The following ST6GAL2 variants were observed in gnomAD, a reference collection of about 807,000 sequenced individuals.
ST6GAL2 encodes beta-galactoside alpha-2,6-sialyltransferase 2.
In ST6GAL2, 24 loss-of-function variants were observed where a neutral mutation model predicts 37.5. That is an observed-to-expected ratio of 0.64 (90% CI 0.46 to 0.90). ST6GAL2 has a LOEUF of 0.90. ST6GAL2 is among the 40% of genes least tolerant of loss of function. The pLI, the probability that ST6GAL2 is intolerant of heterozygous loss-of-function variation, is 0.00. For missense variants in ST6GAL2, 715 were observed against 712.7 expected (o/e 1.00, Z -0.04); for synonymous variants, 306 against 295.1 (o/e 1.04, Z -0.38).
At chr2:106,881,832 A>G (rs929269020) in intron 1 of ST6GAL2, among the ~76,000 whole-genome samples, 10 of 152,234 alleles carry the variant, frequency 6.6e-5, no homozygotes, top group Admixed American at 5.9e-4. Context: ...TATAATCAAG[A>G]TATTGCAGAG....
In ST6GAL2 at chr2:106,843,518, C is replaced by G. The variant is rs3796110; in HGVS notation, c.460G>C (p.Gly154Arg). Residue 154 changes from glycine to arginine, a missense_variant, in exon 2 of 6, where the codon GGG (glycine) becomes CGG (arginine). Coordinates refer to ENST00000409382, the MANE Select transcript of ST6GAL2 (RefSeq NM_001142351.2). ...GCCCCCTCCCGTGGGCCTGGCTCCC[C>G]GGGGGAAGGGAATCCCAATGTCCCC... ...TQGTLGFPSP[G>R]EPGPREGAFP... 3 of 1,613,810 alleles carry G rather than the reference C, an allele frequency of 1.9e-6. No individual in the cohort carries two copies. The highest frequency in any genetic ancestry group is 2.2e-5 in the East Asian group (1 of 44,864).
rs775329379 is a variant in ST6GAL2, at chr2:106,843,785, C to T, written c.193G>A (p.Ala65Thr). 81 of 1,610,160 alleles carry T rather than the reference C, an allele frequency of 5.0e-5. No individual in the cohort carries two copies. The highest frequency in any genetic ancestry group is 6.5e-5 in the Non-Finnish European group (77 of 1,178,158). Residue 65 changes from alanine to threonine, a missense_variant, in exon 2 of 6, where the codon GCA becomes ACA. Transcript: ENST00000409382. ...QGKQRAIMGA[A>T]HEPSPPGGLD... The stretch of plus-strand genomic sequence containing the variant: ...CCCCCAGGCGGGGAGGGCTCATGTG[C>T]GGCGCCCATGATGGCCCGCTGCTTC...
At chr2:106,838,169 G>A (rs1676725548) in intron 2 of ST6GAL2, among the ~76,000 whole-genome samples, 2 of 152,204 alleles carry the variant, frequency 1.3e-5, no homozygotes, top group South Asian at 2.1e-4. Flanking sequence ...AAATACAAGG[G>A]GAAGAAAGTC....
intron 4 of ST6GAL2, among the ~76,000 whole-genome samples, chr2:106,831,447 G>A (rs1676418549): frequency 6.6e-6 from 1 of 152,190 alleles, no homozygotes; most frequent in Non-Finnish European, 1.5e-5. Context: ...AGAGCTGTGA[G>A]AGCTTAAAAC....
chr2:106,860,095 G>A (rs1192462731), intron 1 of ST6GAL2, among the ~76,000 whole-genome samples: 2 of 152,060 alleles, frequency 1.3e-5, no homozygotes, highest in Non-Finnish European at 2.9e-5. Flanking sequence ...TAGTTTTGTT[G>A]AAGTCTTAGC....
chr2:106,874,429 C>T (rs910813339), intron 1 of ST6GAL2, among the ~76,000 whole-genome samples: 2 of 151,982 alleles, frequency 1.3e-5, no homozygotes, highest in African/African-American at 2.4e-5. Context: ...GAGCTTGGAT[C>T]CAAGCCAGAA....
intron 5 of ST6GAL2, among the ~76,000 whole-genome samples, chr2:106,812,169 C>G (rs1160154646): frequency 6.6e-6 from 1 of 152,204 alleles, no homozygotes; most frequent in Non-Finnish European, 1.5e-5. Context: ...GAGATGATTT[C>G]TCTCTGCAAT....
rs1675393085 is a variant in ST6GAL2 at position 106,805,728 on chromosome 2, T to C, written c.*950A>G. On this transcript the variant is annotated 3_prime_UTR_variant, in exon 6 of 6. Coordinates refer to ENST00000409382, the MANE Select transcript of ST6GAL2 (RefSeq NM_001142351.2). ...GAAGCACAGGGTGATGGCTCCAAAA[T>C]CTTTCCTTCTAGTTTGGAAGGAGCA... The C allele has an allele frequency of 6.6e-6, 1 of 152,180 alleles. No individual in the cohort carries two copies. Among genetic ancestry groups the C allele is most frequent in the Non-Finnish European group, 1.5e-5 (1 of 68,048 alleles). The allele number at this position is 152,180 out of a possible 1,614,324, so 9.4% of individuals were successfully genotyped here.
intron 5 of ST6GAL2, among the ~76,000 whole-genome samples, chr2:106,824,703 A>G (rs1158251099): frequency 6.6e-6 from 1 of 152,236 alleles, no homozygotes; most frequent in Admixed American, 6.5e-5. Flanking sequence ...ATTTCAAAAG[A>G]TGAAAATATA....
rs764105330 is a variant in ST6GAL2, at chr2:106,843,336, G to A, written c.642C>T (p.Ser214=). ...LYRLWKGNVS[S]KMLNPRLQKA... ...TCTGCAGGCGCGGGTTCAGCATTTT[G>A]GAAGAGACGTTCCCCTTCCAGAGCC... The change falls in exon 2 of 6, where the codon TCC becomes TCT. Residue 214 remains serine, a synonymous_variant. Coordinates refer to ENST00000409382, the MANE Select transcript of ST6GAL2 (RefSeq NM_001142351.2). 3 of 1,614,060 alleles carry A rather than the reference G, an allele frequency of 1.9e-6. No individual in the cohort carries two copies. The highest frequency in any genetic ancestry group is 1.1e-5 in the South Asian group (1 of 91,088).
intron 4 of ST6GAL2, 32 bp downstream of exon 4, chr2:106,832,533 G>C: frequency 8.5e-7 from 1 of 1,177,578 alleles, no homozygotes; most frequent in Non-Finnish European, 1.2e-6. Flanking sequence ...TTGTCTGACC[G>C]TTGGGGTGGG....
chr2:106,883,560 T>C (rs1678838010), intron 1 of ST6GAL2, among the ~76,000 whole-genome samples: 1 of 152,200 alleles, frequency 6.6e-6, no homozygotes, highest in South Asian at 2.1e-4. Context: ...TTATAGTCAT[T>C]TGGGAATTTC....
At chr2:106,857,023 T>A (rs1164559605) in intron 1 of ST6GAL2, among the ~76,000 whole-genome samples, 1 of 152,142 alleles carries the variant, frequency 6.6e-6, no homozygotes, top group Non-Finnish European at 1.5e-5. Flanking sequence ...CCAGTGAAAG[T>A]CATAGACAGG....
intron 1 of ST6GAL2, among the ~76,000 whole-genome samples, chr2:106,857,384 T>TGGGAGG (rs1464896055): frequency 6.6e-6 from 1 of 152,046 alleles, no homozygotes. Flanking sequence ...GGGAGGATCA[T>TGGGAGG]CTAAGGTCAG....
intron 1 of ST6GAL2, among the ~76,000 whole-genome samples, chr2:106,852,002 A>C (rs188438729): frequency 1.1e-4 from 17 of 152,252 alleles, no homozygotes; most frequent in African/African-American, 3.8e-4. Flanking sequence ...GAATTCTTTT[A>C]TCTCTTAACA....
At chr2:106,821,159 T>C (rs1049820626) in intron 5 of ST6GAL2, among the ~76,000 whole-genome samples, 3 of 151,254 alleles carry the variant, frequency 2.0e-5, no homozygotes, top group African/African-American at 4.9e-5. Flanking sequence ...ATAAATGAAA[T>C]TGAAATGAAG....
chr2:106,842,341 G>A (rs1676918943), intron 2 of ST6GAL2, among the ~76,000 whole-genome samples: 1 of 152,210 alleles, frequency 6.6e-6, no homozygotes. Context: ...CTGGCAGGGA[G>A]GGAGGAAGCC....
At chr2:106,845,634 C>A (rs1677113827) in intron 1 of ST6GAL2, among the ~76,000 whole-genome samples, 2 of 152,176 alleles carry the variant, frequency 1.3e-5, no homozygotes, top group Non-Finnish European at 2.9e-5. Flanking sequence ...ATGTTCCTAC[C>A]TCAATGTGGT....
chr2:106,807,373 C>T (rs934954682), intron 5 of ST6GAL2, among the ~76,000 whole-genome samples: 4 of 152,098 alleles, frequency 2.6e-5, no homozygotes, highest in Admixed American at 2.6e-4. Flanking sequence ...GCCATAAAAA[C>T]TAAATTATAA....
Sources: gnomAD v4.1 joint callset for allele counts (sites outside exome capture counted in the v4.1 genomes callset) on GRCh38, gnomAD v4.1.1 for gene constraint, MANE v1.5 for transcripts, NCBI Gene and HGNC (gene_info 2026-07-23, HGNC 2026-07-21) for gene names.